EFCC1: variants seen among roughly 807,000 people sequenced by gnomAD.
EFCC1 encodes EF-hand and coiled-coil domain-containing protein 1.
A neutral mutation model predicts 52.1 loss-of-function variants in EFCC1; 50 were observed. The ratio of observed to expected loss-of-function variants is 0.96; its 90% CI spans 0.76 to 1.21. EFCC1 has a LOEUF of 1.21. Ranked by LOEUF, EFCC1 falls within the 50% of genes most tolerant of loss-of-function variation. The pLI is 0.00. For synonymous variants in EFCC1, 399 were observed against 396.5 expected (o/e 1.01, Z -0.08); for missense variants, 837 against 867.3 (o/e 0.97, Z 0.44).
rs1174745155 is a variant in EFCC1, at chr3:129,001,874, C to T, written c.246C>T (p.Leu82=). The T allele has an allele frequency of 1.3e-6, 2 of 1,545,502 alleles. No individual in the cohort carries two copies. The highest frequency in any genetic ancestry group is 3.9e-5 in the Admixed American group (2 of 50,768). The change falls in exon 1 of 8, where the codon CTC becomes CTT. Residue 82 remains leucine, a synonymous_variant. Transcript: ENST00000683648. The part of the protein sequence containing the change: ...GRLPRADFRA[L]CAVLGLRAEG... ...TGCCCCGCGCCGACTTCCGAGCGCT[C>T]TGCGCTGTGCTGGGGCTGCGCGCGG...
chr3:129,032,931 GAC>G lies in EFCC1; in HGVS notation c.1254_1255del (p.Leu419AlafsTer12). The G allele has an allele frequency of 6.5e-7, 1 of 1,550,018 alleles. No homozygotes were observed. Among genetic ancestry groups the G allele is most frequent in the Non-Finnish European group, 8.7e-7 (1 of 1,146,314 alleles). ...AGAAGACGCCGGCAGCCGAGGCCAA[GAC>G]ACTGCTGGCCCGGCTCTCCAGCTGC... The part of the protein sequence containing the change: ...EKKTPAAEAK[T>X]LLARLSSCRG... On this transcript the variant is annotated frameshift_variant, in exon 4 of 8. Coordinates refer to ENST00000683648, the MANE Select transcript of EFCC1 (RefSeq NM_001377500.1). LOFTEE classifies it high-confidence loss of function.
Position 129,004,888 on chromosome 3 carries a change from G to A in EFCC1, c.980+811G>A, listed in dbSNP as rs117386747. On this transcript the variant is annotated intron_variant, in intron 2 of 7. Transcript: ENST00000683648. ...AATCTTGGCAGGGCTTTTGGCAGAC[G>A]TGTGAGTGTGGGCAAGTCACCACCC... is the stretch of plus-strand genomic sequence containing the variant. 4.9e-4 allele frequency among the ~76,000 whole-genome samples: 74 copies of A among 152,260 alleles called. 2 individuals carry two copies. In the East Asian group the frequency reaches 6.8e-3, roughly 14 times the overall value.
chr3:129,004,910 A>G (rs995227359), intron 2 of EFCC1, among the ~76,000 whole-genome samples: 6 of 151,774 alleles, frequency 4.0e-5, no homozygotes, highest in Admixed American at 6.6e-5. Context: ...GCAAGTCACC[A>G]CCCCTCACAG....
rs371728910 is a variant in EFCC1, at chr3:129,009,729, G to A, written c.980+5652G>A. Among the ~76,000 whole-genome samples, 10 of 152,294 alleles carry A rather than the reference G, an allele frequency of 6.6e-5. No homozygotes were observed. In the East Asian group the frequency reaches 1.9e-3, roughly 29 times the overall value. On this transcript the variant is annotated intron_variant, in intron 2 of 7. Coordinates refer to ENST00000683648, the MANE Select transcript of EFCC1 (RefSeq NM_001377500.1). Reference sequence around the variant, plus strand: ...TCGCAGCCCAGTCCTTTTCTTGTCTGGGTAGAATAGCCCACCTGTGGCAGC... The same window carrying A: ...TCGCAGCCCAGTCCTTTTCTTGTCTAGGTAGAATAGCCCACCTGTGGCAGC...
intron 2 of EFCC1, among the ~76,000 whole-genome samples, chr3:129,006,691 A>C (rs1255985050): frequency 6.6e-6 from 1 of 152,210 alleles, no homozygotes; most frequent in Non-Finnish European, 1.5e-5. Flanking sequence ...CCTAGTGATG[A>C]GGAAATTGAG....
At chr3:129,037,261 C>T (rs545925466) in intron 6 of EFCC1, 144 bp downstream of exon 6, 1 of 1,237,836 alleles carries the variant, frequency 8.1e-7, no homozygotes, top group East Asian at 2.8e-5. Flanking sequence ...AATGGAGGCT[C>T]AGAAGAACCA....
At chr3:129,032,997 G>A in intron 4 of EFCC1, 31 bp downstream of exon 4, 1 of 1,497,510 alleles carries the variant, frequency 6.7e-7, no homozygotes, top group Non-Finnish European at 8.9e-7. Context: ...CAGCCACTGT[G>A]GGCCGCAGGC....
chr3:129,010,804 C>T lies in EFCC1; in HGVS notation c.980+6727C>T, dbSNP rs962340943. ...TTGGTGAGAAAAGAGGCCTTTCCTC[C>T]TCCAGGAACAATACTCAGGCTCACA... On this transcript the variant is annotated intron_variant, in intron 2 of 7. Coordinates refer to ENST00000683648, the MANE Select transcript of EFCC1 (RefSeq NM_001377500.1). The surrounding 1 kb of genome is among the most constrained non-coding windows in gnomAD (Gnocchi z 4.3). 3.3e-5 allele frequency among the ~76,000 whole-genome samples: 5 copies of T among 152,110 alleles called. No homozygotes were observed. The highest frequency in any genetic ancestry group is 1.2e-4 in the African/African-American group (5 of 41,418).
At chr3:129,004,649 G>A (rs1269738790) in intron 2 of EFCC1, among the ~76,000 whole-genome samples, 3 of 151,874 alleles carry the variant, frequency 2.0e-5, no homozygotes, top group South Asian at 4.2e-4. Context: ...TCCTGGATTC[G>A]ATCATAATGA....
intron 6 of EFCC1, among the ~76,000 whole-genome samples, chr3:129,037,465 T>A (rs1946371720): frequency 6.6e-6 from 1 of 152,082 alleles, no homozygotes; most frequent in African/African-American, 2.4e-5. Flanking sequence ...GCAAACCAAA[T>A]CTGGCAGTGT....
intron 2 of EFCC1, among the ~76,000 whole-genome samples, chr3:129,016,019 ACT>A (rs1186606992): frequency 6.6e-6 from 1 of 152,202 alleles, no homozygotes; most frequent in Admixed American, 6.5e-5. Context: ...TTGCTGAGTC[ACT>A]GAGCGGCTCA....
chr3:129,002,090 C>A lies in EFCC1; in HGVS notation c.462C>A (p.Gly154=). 5.3e-6 allele frequency: 8 copies of A among 1,521,598 alleles called. No homozygotes were observed. Among genetic ancestry groups the A allele is most frequent in the Non-Finnish European group, 7.0e-6 (8 of 1,135,654 alleles). The allele number at this position is 1,521,598 out of a possible 1,614,324, so 94.3% of individuals were successfully genotyped here. A position where few individuals can be genotyped will look rare whatever the true frequency, so the allele number is the denominator to read the frequency against. The change falls in exon 1 of 8, where the codon GGC becomes GGA. Residue 154 remains glycine (G), a synonymous_variant. Coordinates refer to ENST00000683648, the MANE Select transcript of EFCC1 (RefSeq NM_001377500.1). ...ACGCGCGCCTCTGTGGCTACTTCGG[C>A]ACCCGTGCGGGGCCCCGGCTGCCCC... ...QFHARLCGYF[G]TRAGPRLPRG...
At chr3:129,022,926 G>A (rs1437538010) in intron 2 of EFCC1, among the ~76,000 whole-genome samples, 5 of 152,226 alleles carry the variant, frequency 3.3e-5, no homozygotes, top group African/African-American at 1.2e-4. Context: ...TTCCCAAGCT[G>A]TGGTTTGGAG....
In EFCC1 at chr3:129,014,188, G is replaced by T. The variant is rs1243173085; in HGVS notation, c.980+10111G>T. Among the ~76,000 whole-genome samples the T allele has an allele frequency of 2.0e-5, 3 of 152,232 alleles. No homozygotes were observed. Among genetic ancestry groups the T allele is most frequent in the Admixed American group, 6.5e-5 (1 of 15,292 alleles). On this transcript the variant is annotated intron_variant, in intron 2 of 7. Coordinates refer to ENST00000683648, the MANE Select transcript of EFCC1 (RefSeq NM_001377500.1). The surrounding 1 kb of genome is among the most constrained non-coding windows in gnomAD (Gnocchi z 4.3). The stretch of plus-strand genomic sequence containing the variant: ...TCCTGGGCATGAGGGAGGCAGCTGG[G>T]AAGAGGCAGAGACCCTGCCCTCGTG...
chr3:129,011,566 A>G (rs1027337336), intron 2 of EFCC1, among the ~76,000 whole-genome samples: 1 of 151,390 alleles, frequency 6.6e-6, no homozygotes, highest in Non-Finnish European at 1.5e-5. Flanking sequence ...AAAAAAAAAA[A>G]GAATGAAGCA....
intron 2 of EFCC1, among the ~76,000 whole-genome samples, chr3:129,027,056 C>A (rs1198737930): frequency 2.6e-5 from 4 of 152,214 alleles, no homozygotes; most frequent in Non-Finnish European, 5.9e-5. Context: ...CCAAGCATCT[C>A]CGGACGGCCC....
At chr3:129,022,165 C>T (rs555276972) in intron 2 of EFCC1, among the ~76,000 whole-genome samples, 15 of 152,140 alleles carry the variant, frequency 9.9e-5, no homozygotes, top group Non-Finnish European at 1.5e-4. Flanking sequence ...CAAATATTAC[C>T]AGGGGCAGGA....
chr3:129,005,126 G>A (rs1029504582), intron 2 of EFCC1, among the ~76,000 whole-genome samples: 7 of 152,232 alleles, frequency 4.6e-5, no homozygotes, highest in Admixed American at 1.3e-4. Context: ...GCCATCCCAG[G>A]CATCAGGGAT....
chr3:129,035,449 C>T (rs549983485), intron 5 of EFCC1, among the ~76,000 whole-genome samples: 23 of 152,308 alleles, frequency 1.5e-4, no homozygotes, highest in African/African-American at 5.1e-4. Flanking sequence ...TCACTGGGGG[C>T]AGGAGGGAGC....
Sources: allele counts gnomAD v4.1 joint callset (sites outside exome capture counted in the v4.1 genomes callset), GRCh38; gene constraint gnomAD v4.1.1; non-coding constraint Gnocchi (gnomAD v3.1); transcripts MANE v1.5; gene names NCBI Gene and HGNC (gene_info 2026-07-23, HGNC 2026-07-21).